The following RFTN1 variants were observed in gnomAD, a reference collection of about 807,000 sequenced individuals.
RFTN1 encodes the protein raftlin, lipid raft linker 1.
RFTN1 carries 26 observed loss-of-function variants against 46.5 expected under a neutral mutation model. The observed-to-expected ratio is 0.56, with a 90% confidence interval of 0.41 to 0.78. RFTN1 has a LOEUF of 0.78. RFTN1 is among the 30% of genes least tolerant of loss of function. The probability of loss-of-function intolerance (pLI) is 0.00; values close to 1 mark genes in which losing one functional copy is unlikely to be tolerated. For synonymous variants in RFTN1, 261 were observed against 284.2 expected, an observed-to-expected ratio of 0.92 and a Z score of 0.82; for missense variants, 693 against 718.7, an observed-to-expected ratio of 0.96 and a Z score of 0.41.
chr3:16,507,734 TACAC>T lies in RFTN1; in HGVS notation c.-9+5704_-9+5707del, dbSNP rs1232675959. Among the ~76,000 whole-genome samples, 2 of 145,846 alleles carry T rather than the reference TACAC, an allele frequency of 1.4e-5. No individual in the cohort carries two copies. Among genetic ancestry groups the T allele is most frequent in the Admixed American group, 6.9e-5 (1 of 14,592 alleles). ...ACATACACACATACACACAAACACA[TACAC>T]ACATACATGCACACTCACATACACA... On this transcript the variant is annotated intron_variant, in intron 1 of 9. Transcript: ENST00000334133. This position sits in a 1 kb window ranked among gnomAD's most constrained non-coding sequence, Gnocchi z 7.1.
intron 2 of RFTN1, among the ~76,000 whole-genome samples, chr3:16,462,128 G>C (rs146426270): frequency 2.8e-4 from 43 of 152,332 alleles, no homozygotes; most frequent in Middle Eastern, 3.4e-3. Context: ...CCACTTACTA[G>C]CTGAATGGCC....
chr3:16,415,708 G>C (rs980681333), intron 3 of RFTN1, among the ~76,000 whole-genome samples: 1 of 152,028 alleles, frequency 6.6e-6, no homozygotes, highest in African/African-American at 2.4e-5. Flanking sequence ...AGAAAACAAA[G>C]AGAACACGTT....
rs1043891424 is a variant in RFTN1 at position 16,509,269 on chromosome 3, T to C, written c.-9+4173A>G. Among the ~76,000 whole-genome samples, 2 of 152,236 alleles carry C rather than the reference T, an allele frequency of 1.3e-5. No homozygotes were observed. Among genetic ancestry groups the C allele is most frequent in the African/African-American group, 2.4e-5 (1 of 41,452 alleles). On this transcript the variant is annotated intron_variant, in intron 1 of 9. Coordinates refer to ENST00000334133, the MANE Select transcript of RFTN1 (RefSeq NM_015150.2). The surrounding 1 kb of genome is among the most constrained non-coding windows in gnomAD (Gnocchi z 4.9). ...TTCCTGTAACGCTGTTCTGATTATC[T>C]AATTTACATTTCTATTATAATATGG...
In RFTN1 at chr3:16,353,430, G is replaced by A. The variant is rs957258302; in HGVS notation, c.1146+4502C>T. Among the ~76,000 whole-genome samples, 12 of 152,188 alleles carry A rather than the reference G, an allele frequency of 7.9e-5. No homozygotes were observed. Among genetic ancestry groups the A allele is most frequent in the Non-Finnish European group, 2.9e-5 (2 of 68,036 alleles). On this transcript the variant is annotated intron_variant, in intron 7 of 9. Coordinates refer to ENST00000334133, the MANE Select transcript of RFTN1 (RefSeq NM_015150.2). This position sits in a 1 kb window ranked among gnomAD's most constrained non-coding sequence, Gnocchi z 5.4. ...GTCCCGGACTGGACATTGCTGGGCT[G>A]TGCTGGTTACAGAGCTGTCTACACT...
At position 16,427,261 on chromosome 3, in the gene RFTN1, T is replaced by C. The variant is rs1392291522; in HGVS notation, c.332+6590A>G. 6.6e-6 allele frequency among the ~76,000 whole-genome samples: 1 copy of C among 152,190 alleles called. No homozygotes were observed. Among genetic ancestry groups the C allele is most frequent in the Non-Finnish European group, 1.5e-5 (1 of 68,024 alleles). On this transcript the variant is annotated intron_variant, in intron 3 of 9. Transcript: ENST00000334133. This position sits in a 1 kb window ranked among gnomAD's most constrained non-coding sequence, Gnocchi z 5.4. The stretch of plus-strand genomic sequence containing the variant: ...ATAACCATAGGACAGAGCTAAGGCA[T>C]TGACTCACTACTTCCCAAGAGTCCC...
intron 4 of RFTN1, 48 bp downstream of exon 4, chr3:16,409,327 G>T: frequency 7.8e-7 from 1 of 1,287,154 alleles, no homozygotes; most frequent in Non-Finnish European, 1.1e-6. Flanking sequence ...GTTCACTCAG[G>T]GGAACACTCG....
chr3:16,411,485 T>C (rs186951248), intron 3 of RFTN1, among the ~76,000 whole-genome samples: 22 of 152,344 alleles, frequency 1.4e-4, no homozygotes, highest in Admixed American at 6.5e-4. Flanking sequence ...CTGTGGCGCA[T>C]ACATTCAAAA....
chr3:16,357,114 CAAAAAAAAAAAAAACAAAA>C (rs1173577194), intron 7 of RFTN1, among the ~76,000 whole-genome samples: 2,135 of 133,610 alleles, frequency 0.016, 57 homozygotes, highest in African/African-American at 0.054. Context: ...GATGCCATCT[CAAAAAAAAAAAAAACAAAA>C]AAACAAACAA....
chr3:16,419,346 T>C lies in RFTN1; in HGVS notation c.333-9863A>G, dbSNP rs140947964. ...AAGTAAAGAAGAGTCATGGGTGGCC[T>C]TAGAGAGAAAGATACTATGACAGAT... On this transcript the variant is annotated intron_variant, in intron 3 of 9. Coordinates refer to ENST00000334133, the MANE Select transcript of RFTN1 (RefSeq NM_015150.2). Among the ~76,000 whole-genome samples, 153 of 152,174 alleles carry C rather than the reference T, an allele frequency of 1.0e-3. 1 individual carries two copies. Among genetic ancestry groups the C allele is most frequent in the African/African-American group, 3.5e-3 (145 of 41,510 alleles).
chr3:16,386,898 TA>T (rs1283909713), intron 4 of RFTN1, among the ~76,000 whole-genome samples: 1 of 152,202 alleles, frequency 6.6e-6, no homozygotes, highest in East Asian at 1.9e-4. Context: ...AGACAAAAAG[TA>T]GAGGCAGCAG....
intron 4 of RFTN1, among the ~76,000 whole-genome samples, 187 bp from the exon 5 acceptor site, chr3:16,378,289 GT>G: frequency 6.6e-6 from 1 of 152,224 alleles, no homozygotes; most frequent in East Asian, 1.9e-4. Context: ...GAAGAAGACA[GT>G]TTTTTTAATT....
At chr3:16,339,898 G>T (rs1270291117) in intron 7 of RFTN1, 1 of 152,202 alleles carries the variant, frequency 6.6e-6, no homozygotes, top group African/African-American at 2.4e-5. Flanking sequence ...TGCCACCATT[G>T]TCTTGTACTC....
At chr3:16,326,918 GCCAAC>G in intron 7 of RFTN1, 42 bp from the exon 8 acceptor site, 1 of 1,503,210 alleles carries the variant, frequency 6.7e-7, no homozygotes, top group Non-Finnish European at 9.2e-7. Context: ...GCTGCCACAA[GCCAAC>G]TCCCAGGCAA....
At chr3:16,444,427 G>A (rs1575302015) in intron 2 of RFTN1, among the ~76,000 whole-genome samples, 2 of 152,032 alleles carry the variant, frequency 1.3e-5, no homozygotes, top group Non-Finnish European at 2.9e-5. Context: ...CAGGCGCTCC[G>A]GCTTCCTCCC....
In RFTN1 at chr3:16,361,533, G is replaced by A. The variant is rs536723669; in HGVS notation, c.1031-3486C>T. On this transcript the variant is annotated intron_variant, in intron 6 of 9. Transcript: ENST00000334133. The surrounding 1 kb of genome is among the most constrained non-coding windows in gnomAD (Gnocchi z 4.3). ...GCATCAGGGTAGGGCTCCCCACTTCGAGTGAACTAAGCAAGCAAGGAACAT... is the reference window on the plus strand; with the variant it reads ...GCATCAGGGTAGGGCTCCCCACTTCAAGTGAACTAAGCAAGCAAGGAACAT... Among the ~76,000 whole-genome samples the A allele has an allele frequency of 9.9e-5, 15 of 152,246 alleles. No individual in the cohort carries two copies. In the East Asian group the frequency reaches 2.1e-3, roughly 22 times the overall value.
intron 2 of RFTN1, among the ~76,000 whole-genome samples, chr3:16,490,545 A>G (rs2076524083): frequency 6.6e-6 from 1 of 152,246 alleles, no homozygotes; most frequent in African/African-American, 2.4e-5. Flanking sequence ...AACCCCCTAA[A>G]GAGTTGTGCA....
Position 16,387,091 on chromosome 3 carries a change from G to A in RFTN1, c.442-8989C>T, listed in dbSNP as rs1199455961. Among the ~76,000 whole-genome samples, 1 of 152,208 alleles carries A rather than the reference G, an allele frequency of 6.6e-6. No individual in the cohort carries two copies. The highest frequency in any genetic ancestry group is 1.5e-5 in the Non-Finnish European group (1 of 68,028). ...GCTGCTTTAAGAGGCACACAGATGA[G>A]TGTTCCTTCTCTTCCTTCCCTGTCC... On this transcript the variant is annotated intron_variant, in intron 4 of 9. Transcript: ENST00000334133. This position sits in a 1 kb window ranked among gnomAD's most constrained non-coding sequence, Gnocchi z 5.2.
At chr3:16,487,553 T>C (rs1400083794) in intron 2 of RFTN1, among the ~76,000 whole-genome samples, 1 of 152,248 alleles carries the variant, frequency 6.6e-6, no homozygotes, top group African/African-American at 2.4e-5. Flanking sequence ...TATTTTACTT[T>C]GTTTTAATTA....
chr3:16,461,534 C>A (rs2076008345), intron 2 of RFTN1, among the ~76,000 whole-genome samples: 1 of 152,080 alleles, frequency 6.6e-6, no homozygotes, highest in Non-Finnish European at 1.5e-5. Context: ...ACACTATAAC[C>A]CAAAGGCCTG....
Sources: allele counts gnomAD v4.1 joint callset (sites outside exome capture counted in the v4.1 genomes callset), GRCh38; gene constraint gnomAD v4.1.1; non-coding constraint Gnocchi (gnomAD v3.1); transcripts MANE v1.5; gene names NCBI Gene and HGNC (gene_info 2026-07-23, HGNC 2026-07-21).